The following SATB2 variants were observed in gnomAD, a reference collection of about 807,000 sequenced individuals.
The protein encoded by SATB2 is SATB homeobox 2.
A neutral mutation model predicts 73.4 loss-of-function variants in SATB2; 1 was observed. The observed-to-expected ratio is 0.01, with a 90% CI of 0.00 to 0.06. The LOEUF (loss-of-function observed/expected upper bound fraction) is 0.06. Ranked by LOEUF, SATB2 falls within the 10% of genes least tolerant of loss-of-function variation. The pLI is 1.00. For synonymous variants in SATB2, 397 were observed against 367.0 expected (o/e 1.08, Z -0.93); for missense variants, 459 against 945.8 (o/e 0.49, Z 6.75).
At chr2:199,441,372 C>T (rs1559057040) in intron 2 of SATB2, among the ~76,000 whole-genome samples, 1 of 151,952 alleles carries the variant, frequency 6.6e-6, no homozygotes, top group Non-Finnish European at 1.5e-5. Flanking sequence ...GTGTACTTTA[C>T]AATATATTGA....
Position 199,283,425 on chromosome 2 carries a change from T to C in SATB2, c.1741-10753A>G, listed in dbSNP as rs141736189. Among the ~76,000 whole-genome samples, 1,096 of 151,676 alleles carry C rather than the reference T, an allele frequency of 7.2e-3. 11 individuals are homozygous for C. Among genetic ancestry groups the C allele is most frequent in the Middle Eastern group, 0.069 (20 of 290 alleles). On this transcript the variant is annotated intron_variant, in intron 10 of 10. Coordinates refer to ENST00000417098, the MANE Select transcript of SATB2 (RefSeq NM_001172509.2). The stretch of plus-strand genomic sequence containing the variant: ...TTTTTGACCTTGCTGAAATTCGCCG[T>C]GAGCTCATGGCTGTGAAAAATACAA...
intron 3 of SATB2, among the ~76,000 whole-genome samples, chr2:199,413,849 C>T (rs555790003): frequency 1.3e-5 from 2 of 152,128 alleles, no homozygotes; most frequent in African/African-American, 2.4e-5. Flanking sequence ...AGGTCCCTGG[C>T]GGCATTGTGA....
intron 7 of SATB2, among the ~76,000 whole-genome samples, chr2:199,335,220 T>C (rs552334236): frequency 6.6e-6 from 1 of 152,258 alleles, no homozygotes; most frequent in South Asian, 2.1e-4. Context: ...CAATATTTCT[T>C]TATTAGGAAA....
At chr2:199,459,249 G>T (rs963196485), upstream of SATB2, among the ~76,000 whole-genome samples, 2 of 151,916 alleles carry the variant, frequency 1.3e-5, no homozygotes. The surrounding 1 kb of genome is among the most constrained non-coding windows in gnomAD (Gnocchi z 4.2). Flanking sequence ...CCCGCCCGGG[G>T]GGAGGCCGCA....
rs893124609 is a variant in SATB2, at chr2:199,463,375, G to A, written c.-141+1461C>T. Among the ~76,000 whole-genome samples the A allele has an allele frequency of 1.3e-5, 2 of 152,230 alleles. No individual in the cohort carries two copies. The highest frequency in any genetic ancestry group is 4.8e-5 in the African/African-American group (2 of 41,456). The stretch of plus-strand genomic sequence containing the variant: ...CCGCCCCCAGCTCGGAGCTGCCGGG[G>A]TTGGGGCCCCGGGTGGCGCTCCCGA... On this transcript the variant is annotated intron_variant, in intron 1 of 11. Transcript: ENST00000260926. The surrounding 1 kb of genome is among the most constrained non-coding windows in gnomAD (Gnocchi z 6.4).
intron 6 of SATB2, among the ~76,000 whole-genome samples, chr2:199,358,601 GAGCCAAC>G (rs1384235962): frequency 6.6e-6 from 1 of 152,148 alleles, no homozygotes; most frequent in Non-Finnish European, 1.5e-5. Flanking sequence ...AAGATATTCA[GAGCCAAC>G]TTGTTAACTC....
chr2:199,288,173 C>G (rs1486341696), intron 10 of SATB2, among the ~76,000 whole-genome samples: 1 of 152,080 alleles, frequency 6.6e-6, no homozygotes, highest in Non-Finnish European at 1.5e-5. Context: ...CCCAAATGTC[C>G]ATTTAGAGTG....
rs970320669 is a variant in SATB2, at chr2:199,455,407, A to G, written c.169+462T>C. Among the ~76,000 whole-genome samples the G allele has an allele frequency of 3.3e-5, 5 of 152,196 alleles. No individual in the cohort carries two copies. The highest frequency in any genetic ancestry group is 9.7e-5 in the African/African-American group (4 of 41,438). On this transcript the variant is annotated intron_variant, in intron 2 of 10. Coordinates refer to ENST00000417098, the MANE Select transcript of SATB2 (RefSeq NM_001172509.2). The surrounding 1 kb of genome is among the most constrained non-coding windows in gnomAD (Gnocchi z 4.1). Reference sequence around the variant, plus strand: ...CAGGAAATATTCCCAGTTGTCATTCATCTGTCTTGAAGCACTGTCCTCACT... The same window carrying G: ...CAGGAAATATTCCCAGTTGTCATTCGTCTGTCTTGAAGCACTGTCCTCACT...
At chr2:199,337,626 G>A (rs1688373447) in intron 7 of SATB2, among the ~76,000 whole-genome samples, 1 of 152,180 alleles carries the variant, frequency 6.6e-6, no homozygotes. Context: ...ATCTGGGGGT[G>A]TGTACCAGCT....
intron 9 of SATB2, among the ~76,000 whole-genome samples, chr2:199,322,219 G>A (rs952242028): frequency 6.6e-6 from 1 of 152,166 alleles, no homozygotes; most frequent in African/African-American, 2.4e-5. Flanking sequence ...GTGAAACTTT[G>A]ATATTTACAT....
chr2:199,344,601 T>C (rs1403288437), intron 7 of SATB2, among the ~76,000 whole-genome samples: 2 of 152,174 alleles, frequency 1.3e-5, no homozygotes, highest in Non-Finnish European at 2.9e-5. Context: ...ATACCGAAAA[T>C]GTCAGCACCA....
In SATB2 at chr2:199,311,363, G is replaced by A. The variant is rs188194408; in HGVS notation, c.1543-2406C>T. On this transcript the variant is annotated intron_variant, in intron 9 of 10. Transcript: ENST00000417098. ...ATTAAGGGATGGAGCCTTCAACAGCGCACCCCCACCACAGCAGGCCCCAAG... is the reference window on the plus strand; with the variant it reads ...ATTAAGGGATGGAGCCTTCAACAGCACACCCCCACCACAGCAGGCCCCAAG... Among the ~76,000 whole-genome samples the A allele has an allele frequency of 1.1e-4, 16 of 152,166 alleles. No individual in the cohort carries two copies. The East Asian group carries it at 2.7e-3, about 26-fold the overall frequency.
At chr2:199,394,778 G>A (rs1690249170) in intron 3 of SATB2, among the ~76,000 whole-genome samples, 1 of 152,114 alleles carries the variant, frequency 6.6e-6, no homozygotes, top group African/African-American at 2.4e-5. Context: ...GGGGTCCCAA[G>A]AGCTAATCTG....
At position 199,376,211 on chromosome 2, in the gene SATB2, T is replaced by A. The variant is rs547829125; in HGVS notation, c.597+4153A>T. ...AAGCCTAAATCAAATCTCACCCAAATCTAAACAACAGATATGAGCCCCTGT... is the reference window on the plus strand; with the variant it reads ...AAGCCTAAATCAAATCTCACCCAAAACTAAACAACAGATATGAGCCCCTGT... On this transcript the variant is annotated intron_variant, in intron 5 of 10. Transcript: ENST00000417098. Among the ~76,000 whole-genome samples, 4 of 152,132 alleles carry A rather than the reference T, an allele frequency of 2.6e-5. No individual in the cohort carries two copies. In the East Asian group the frequency reaches 7.7e-4, roughly 29 times the overall value.
exon 1 of SATB2, chr2:199,471,260 C>G (rs1692700262): frequency 6.6e-6 from 1 of 152,346 alleles, no homozygotes; most frequent in African/African-American, 2.4e-5. Flanking sequence ...GTAACTTAAG[C>G]GCCTCTGAAC....
At chr2:199,397,051 G>A (rs1266557256) in intron 3 of SATB2, 3 of 151,686 alleles carry the variant, frequency 2.0e-5, no homozygotes, top group Non-Finnish European at 4.4e-5. Context: ...AATGGAGTAG[G>A]CAGAGATCAC....
chr2:199,454,964 A>G (rs935886495), intron 2 of SATB2, among the ~76,000 whole-genome samples: 1 of 152,234 alleles, frequency 6.6e-6, no homozygotes. Context: ...GGCAAAAAAA[A>G]TTAAACTAGT....
intron 10 of SATB2, among the ~76,000 whole-genome samples, chr2:199,282,543 G>A (rs1361715857): frequency 6.6e-6 from 1 of 152,174 alleles, no homozygotes; most frequent in Non-Finnish European, 1.5e-5. Context: ...GAGCCACAGT[G>A]CTTGTTAATC....
At chr2:199,302,213 G>C (rs10497832) in intron 10 of SATB2, among the ~76,000 whole-genome samples, 18,941 of 152,072 alleles carry the variant, frequency 0.12, 1,384 homozygotes, top group South Asian at 0.32. Context: ...TGACTGTAAT[G>C]AACTTCTTCA....
Sources: allele counts gnomAD v4.1 joint callset (sites outside exome capture counted in the v4.1 genomes callset), GRCh38; gene constraint gnomAD v4.1.1; non-coding constraint Gnocchi (gnomAD v3.1); transcripts MANE v1.5; gene names NCBI Gene and HGNC (gene_info 2026-07-23, HGNC 2026-07-21).